The following OS9 variants were observed in gnomAD, a reference collection of about 807,000 sequenced individuals.
OS9 encodes the protein protein OS-9.
OS9 carries 58 observed loss-of-function variants against 84.7 expected under a neutral mutation model. The ratio of observed to expected loss-of-function variants is 0.68; its 90% CI spans 0.55 to 0.85. The LOEUF (loss-of-function observed/expected upper bound fraction) is 0.85. OS9 is among the 40% of genes least tolerant of loss of function. The pLI is 0.00. For synonymous variants in OS9, 278 were observed against 320.8 expected (o/e 0.87, Z 1.43); for missense variants, 760 against 850.9 (o/e 0.89, Z 1.33).
At position 57,697,862 on chromosome 12, in the gene OS9, A is replaced by AACAC. The variant is rs71084786; in HGVS notation, c.579+1514_579+1517dup. Among the ~76,000 whole-genome samples the AACAC allele has an allele frequency of 9.9e-3, 1,157 of 116,432 alleles. 43 individuals carry two copies. Among genetic ancestry groups the AACAC allele is most frequent in the African/African-American group, 0.033 (963 of 28,920 alleles). The allele number at this position is 116,432 out of a possible 152,430, so 76.4% of individuals were successfully genotyped here. On this transcript the variant is annotated intron_variant, in intron 5 of 14. Transcript: ENST00000315970. ...ACTCCCAGGGAACCTAACATAAGCA[A>AACAC]ACACACACACACACACACACACACA...
At chr12:57,703,359 T>C (rs1256915743) in intron 5 of OS9, among the ~76,000 whole-genome samples, 2 of 152,202 alleles carry the variant, frequency 1.3e-5, no homozygotes, top group Non-Finnish European at 2.9e-5. Flanking sequence ...CTTCAGCTTC[T>C]GAGTAGGTGG....
chr12:57,707,970 G>A (rs1355528099), intron 5 of OS9, among the ~76,000 whole-genome samples: 3 of 151,588 alleles, frequency 2.0e-5, no homozygotes, highest in African/African-American at 7.3e-5. Flanking sequence ...GCACGTGCCT[G>A]TGGTCCCAGC....
Position 57,695,972 on chromosome 12 carries a change from CA to C in OS9, c.417del (p.Gly140ValfsTer81), listed in dbSNP as rs763825009. Reference protein sequence around the residue: ...QQYHMEDSEIKGEVLYLGYYQ... With the variant: ...QQYHMEDSEIXGEVLYLGYYQ... Reference sequence around the variant, plus strand: ...TGGCTTCCCTTGCAGATTCAGAGATCAAAGGTGAAGTCCTCTATCTCGGCTA... The same window carrying C: ...TGGCTTCCCTTGCAGATTCAGAGATCAAGGTGAAGTCCTCTATCTCGGCTA... On this transcript the variant is annotated frameshift_variant, in exon 4 of 15. Transcript: ENST00000315970. LOFTEE classifies it high-confidence loss of function. 1.3e-5 allele frequency: 21 copies of C among 1,612,612 alleles called. No homozygotes were observed. The highest frequency in any genetic ancestry group is 5.0e-5 in the Admixed American group (3 of 59,994).
intron 9 of OS9, among the ~76,000 whole-genome samples, chr12:57,717,533 C>T (rs1164212436): frequency 6.6e-6 from 1 of 152,176 alleles, no homozygotes; most frequent in African/African-American, 2.4e-5. Flanking sequence ...TGGCTCATGC[C>T]TGTAATCCCA....
chr12:57,696,522 G>T, intron 5 of OS9, 149 bp downstream of exon 5: 1 of 569,976 alleles, frequency 1.8e-6, no homozygotes, highest in South Asian at 2.5e-5. Flanking sequence ...CCAGCCGGGC[G>T]CAGTGGCTTA....
intron 5 of OS9, among the ~76,000 whole-genome samples, chr12:57,703,163 C>A (rs1056776224): frequency 3.3e-5 from 5 of 152,190 alleles, no homozygotes; most frequent in African/African-American, 1.2e-4. Flanking sequence ...TCAAGCGATT[C>A]TCCTGCATCA....
At chr12:57,709,972 C>T (rs1954281078) in intron 5 of OS9, among the ~76,000 whole-genome samples, 1 of 152,072 alleles carries the variant, frequency 6.6e-6, no homozygotes, top group East Asian at 1.9e-4. Context: ...CGTGCGTCAG[C>T]CTCCCAGGTA....
At chr12:57,700,060 A>G (rs1050139538) in intron 5 of OS9, among the ~76,000 whole-genome samples, 2 of 152,114 alleles carry the variant, frequency 1.3e-5, no homozygotes, top group African/African-American at 4.8e-5. Flanking sequence ...GCACCATTGC[A>G]CTCCAGCCTG....
At chr12:57,712,774 C>G (rs1954369282) in intron 5 of OS9, among the ~76,000 whole-genome samples, 1 of 151,956 alleles carries the variant, frequency 6.6e-6, no homozygotes, top group South Asian at 2.1e-4. Flanking sequence ...TCAGTCTCCC[C>G]CTCACAACAT....
intron 5 of OS9, among the ~76,000 whole-genome samples, chr12:57,697,908 AACACACACACACACATACACACACAC>A (rs1279710914): frequency 1.3e-5 from 1 of 75,164 alleles, no homozygotes; most frequent in Non-Finnish European, 2.7e-5. Flanking sequence ...AACATAAGCA[AACACACACACACACATACACACACAC>A]ACACACACAC....
At chr12:57,696,919 A>G (rs1157461173) in intron 5 of OS9, among the ~76,000 whole-genome samples, 3 of 151,756 alleles carry the variant, frequency 2.0e-5, no homozygotes, top group East Asian at 3.9e-4. Flanking sequence ...CGGTACCTTC[A>G]CTCTCGCCTG....
intron 5 of OS9, among the ~76,000 whole-genome samples, chr12:57,702,769 A>G (rs1326508906): frequency 1.3e-5 from 2 of 152,210 alleles, no homozygotes; most frequent in Non-Finnish European, 1.5e-5. Flanking sequence ...TTTTTCAGTA[A>G]TAGCCATCTT....
Position 57,701,802 on chromosome 12 carries a change from G to GTTTTT in OS9, c.579+5433_579+5434insTTTTT, listed in dbSNP as rs530387145. ...TTCAATTTTTTGTTTGTTTTGTTTTGTTTTGTTTTTTGAGATAGAGTTTCA... is the reference window on the plus strand; with the variant it reads ...TTCAATTTTTTGTTTGTTTTGTTTTGTTTTTTTTTGTTTTTTGAGATAGAGTTTCA... On this transcript the variant is annotated intron_variant, in intron 5 of 14. Coordinates refer to ENST00000315970, the MANE Select transcript of OS9 (RefSeq NM_006812.4). Among the ~76,000 whole-genome samples, 476 of 151,888 alleles carry GTTTTT rather than the reference G, an allele frequency of 3.1e-3. 1 individual carries two copies. The highest frequency in any genetic ancestry group is 0.01 in the Middle Eastern group (3 of 294).
At chr12:57,712,127 C>T (rs1954351475) in intron 5 of OS9, among the ~76,000 whole-genome samples, 1 of 152,074 alleles carries the variant, frequency 6.6e-6, no homozygotes, top group African/African-American at 2.4e-5. Context: ...TATTTTTGTC[C>T]TAGTCTGTAG....
chr12:57,719,577 T>G (rs1415597945), intron 12 of OS9: 2 of 213,346 alleles, frequency 9.4e-6, no homozygotes, highest in Non-Finnish European at 1.9e-5. Flanking sequence ...AGAGCCCAGC[T>G]GCACATGAGC....
In OS9 at chr12:57,696,458, GGGGGC is replaced by G. The variant is rs1565765657; in HGVS notation, c.579+90_579+94del. 4.3e-3 allele frequency: 974 copies of G among 227,896 alleles called. 41 individuals are homozygous for G. Among genetic ancestry groups the G allele is most frequent in the Admixed American group, 7.2e-3 (89 of 12,418 alleles). 14.1% of individuals were successfully genotyped at this position (227,896 alleles called of 1,614,324 possible). On this transcript the variant is annotated intron_variant, in intron 5 of 14. Transcript: ENST00000315970. ...GAGGGTTGCATCTTATAGTCGGGGC[GGGGGC>G]GGGGGGGGTCCCCTCCCAGACCCTA...
At chr12:57,700,091 T>C (rs936394732) in intron 5 of OS9, among the ~76,000 whole-genome samples, 7 of 149,876 alleles carry the variant, frequency 4.7e-5, no homozygotes, top group African/African-American at 1.7e-4. Flanking sequence ...TGAGACTGTC[T>C]CAAAAAAGAA....
chr12:57,696,043 C>T lies in OS9; in HGVS notation c.480+5C>T. The T allele has an allele frequency of 6.2e-7, 1 of 1,606,710 alleles. No individual in the cohort carries two copies. The highest frequency in any genetic ancestry group is 1.1e-5 in the South Asian group (1 of 90,952). ...TGGGATGATGAAACAGCCAAGGTGG[C>T]AAGAGTGTGGGATTCAGGAAGAAAG... is the stretch of plus-strand genomic sequence containing the variant. On this transcript the variant is annotated splice_donor_5th_base_variant and intron_variant, in intron 4 of 14. Transcript: ENST00000315970.
chr12:57,709,602 T>C (rs960160204), intron 5 of OS9, among the ~76,000 whole-genome samples: 5 of 152,218 alleles, frequency 3.3e-5, no homozygotes, highest in African/African-American at 4.8e-5. Context: ...TTCAAGATGC[T>C]CACCGTATTG....
Sources: gnomAD v4.1 joint callset for allele counts (sites outside exome capture counted in the v4.1 genomes callset) on GRCh38, gnomAD v4.1.1 for gene constraint, MANE v1.5 for transcripts, NCBI Gene and HGNC (gene_info 2026-07-23, HGNC 2026-07-21) for gene names.